PAPOLA: variants seen among roughly 807,000 people sequenced by gnomAD.
The protein encoded by PAPOLA is polynucleotide adenylyltransferase alpha.
Under a neutral mutation model 100.6 loss-of-function variants are expected in PAPOLA, and 15 were observed. That is an observed-to-expected ratio of 0.15 (90% CI 0.10 to 0.23). PAPOLA has a LOEUF of 0.23. Ranked by LOEUF, PAPOLA falls within the 10% of genes least tolerant of loss-of-function variation. PAPOLA has a pLI of 1.00. For synonymous variants in PAPOLA, 293 were observed against 300.0 expected, an observed-to-expected ratio of 0.98 and a Z score of 0.24; for missense variants, 533 against 884.2, an observed-to-expected ratio of 0.60 and a Z score of 5.04.
chr14:96,547,804 G>A lies in PAPOLA; in HGVS notation c.1407G>A (p.Arg469=), dbSNP rs1416308678. Reference sequence around the variant, plus strand: ...AATTTCCTAATTGTATAGTTTATAGGCAAGCAATAAACAGCAAGATGTTTG... The same window carrying A: ...AATTTCCTAATTGTATAGTTTATAGACAAGCAATAAACAGCAAGATGTTTG... ...DIQSFTDTVY[R]QAINSKMFEV... Residue 469 remains arginine (R), a synonymous_variant, in exon 16 of 22, where the codon AGG becomes AGA. Coordinates refer to ENST00000216277, the MANE Select transcript of PAPOLA (RefSeq NM_032632.5). The A allele has an allele frequency of 6.2e-7, 1 of 1,603,694 alleles. No homozygotes were observed. Among genetic ancestry groups the A allele is most frequent in the Non-Finnish European group, 8.5e-7 (1 of 1,174,856 alleles).
intron 21 of PAPOLA, among the ~76,000 whole-genome samples, chr14:96,564,492 A>G (rs144717332): frequency 6.4e-4 from 97 of 152,234 alleles, no homozygotes; most frequent in African/African-American, 2.3e-3. Context: ...GCTTAGCTGT[A>G]TATATTTGTT....
chr14:96,520,314 A>G, intron 2 of PAPOLA, 86 bp downstream of exon 2: 2 of 984,600 alleles, frequency 2.0e-6, no homozygotes, highest in Non-Finnish European at 3.0e-6. Flanking sequence ...CTACTTACTT[A>G]GAAGACCAGG....
At chr14:96,506,951 A>C (rs1595491632) in intron 1 of PAPOLA, among the ~76,000 whole-genome samples, 1 of 152,334 alleles carries the variant, frequency 6.6e-6, no homozygotes, top group Non-Finnish European at 1.5e-5. Flanking sequence ...GACTACTCAT[A>C]TTAATTGAAA....
intron 6 of PAPOLA, among the ~76,000 whole-genome samples, chr14:96,529,680 C>T (rs976645805): frequency 2.0e-5 from 3 of 151,918 alleles, no homozygotes; most frequent in Non-Finnish European, 2.9e-5. Flanking sequence ...CAAGATCCTG[C>T]CACTGCACTC....
Position 96,532,603 on chromosome 14 carries a change from A to G in PAPOLA, c.790A>G (p.Ile264Val), listed in dbSNP as rs150902678. ...ARTCQLYPNA[I>V]ASTLVHKFFL... ...AACTTGCCAGCTTTATCCAAATGCA[A>G]TAGCATCAACTCTTGTACATAAATT... Residue 264 changes from isoleucine to valine, a missense_variant, in exon 9 of 22, where the codon ATA becomes GTA. Ile to Val is a conservative substitution (Grantham distance 29, BLOSUM62 3). Transcript: ENST00000216277. The G allele has an allele frequency of 6.7e-5, 108 of 1,612,798 alleles. No individual in the cohort carries two copies. The highest frequency in any genetic ancestry group is 8.6e-5 in the Non-Finnish European group (101 of 1,179,482).
At chr14:96,526,747 T>C (rs1163254307) in intron 4 of PAPOLA, 1 of 152,434 alleles carries the variant, frequency 6.6e-6, no homozygotes, top group Non-Finnish European at 1.5e-5. Flanking sequence ...TACATTACTT[T>C]TGATATATCC....
chr14:96,520,088 A>G lies in PAPOLA; in HGVS notation c.42A>G (p.Gln14=), dbSNP rs74694003. Residue 14 remains glutamine (Q), a synonymous_variant, in exon 2 of 22, where the codon CAA becomes CAG. Transcript: ENST00000216277. ...CAACACAGGGATCACAACAAACACA[A>G]CCGCCACAGAAGCACTATGGCATTA... ...PVTTQGSQQT[Q]PPQKHYGITS... 48 of 1,613,532 alleles carry G rather than the reference A, an allele frequency of 3.0e-5. No homozygotes were observed. In the South Asian group the frequency reaches 5.2e-4, roughly 17 times the overall value.
chr14:96,552,341 A>C, intron 16 of PAPOLA, 139 bp from the exon 17 acceptor site: 1 of 739,310 alleles, frequency 1.4e-6, no homozygotes, highest in Non-Finnish European at 2.2e-6. Context: ...TTTTAGAGTC[A>C]GCATGGCACA....
At chr14:96,505,524 C>CA (rs1044620545) in intron 1 of PAPOLA, among the ~76,000 whole-genome samples, 4 of 152,054 alleles carry the variant, frequency 2.6e-5, no homozygotes, top group African/African-American at 9.7e-5. Context: ...AGAATGTTGT[C>CA]AAAGTTACCA....
intron 1 of PAPOLA, chr14:96,502,853 C>T: frequency 2.4e-6 from 1 of 420,560 alleles, no homozygotes; most frequent in Non-Finnish European, 4.2e-6. Context: ...CTTCCCCTTC[C>T]GGAATTGCTG....
intron 11 of PAPOLA, among the ~76,000 whole-genome samples, chr14:96,536,569 A>T (rs1899548781): frequency 6.6e-6 from 1 of 152,078 alleles, no homozygotes; most frequent in East Asian, 1.9e-4. Flanking sequence ...TGAATATTTT[A>T]CACTTTAGTT....
At chr14:96,543,434 T>G (rs1478099401) in intron 14 of PAPOLA, among the ~76,000 whole-genome samples, 1 of 152,114 alleles carries the variant, frequency 6.6e-6, no homozygotes, top group East Asian at 1.9e-4. Context: ...GACTAGACTC[T>G]ATACTTTGTT....
At chr14:96,522,704 C>G (rs1376481417) in intron 3 of PAPOLA, among the ~76,000 whole-genome samples, 1 of 152,118 alleles carries the variant, frequency 6.6e-6, no homozygotes, top group Non-Finnish European at 1.5e-5. Flanking sequence ...TGCCCCAGCC[C>G]CTTTGAGTTT....
chr14:96,561,156 A>G (rs1251909101), intron 20 of PAPOLA, among the ~76,000 whole-genome samples: 1 of 152,180 alleles, frequency 6.6e-6, no homozygotes, highest in Non-Finnish European at 1.5e-5. Flanking sequence ...TGTTATGATT[A>G]TAGAAGCAGT....
intron 19 of PAPOLA, among the ~76,000 whole-genome samples, chr14:96,559,689 TA>T (rs1901683101): frequency 6.6e-6 from 1 of 151,002 alleles, no homozygotes; most frequent in African/African-American, 2.4e-5. Context: ...ATGTCATAAG[TA>T]TAATGAACTG....
chr14:96,514,701 C>T (rs764843212), intron 1 of PAPOLA, among the ~76,000 whole-genome samples: 1 of 152,210 alleles, frequency 6.6e-6, no homozygotes, highest in Non-Finnish European at 1.5e-5. Flanking sequence ...AGACCTGTTT[C>T]TCAGCTTTGG....
At chr14:96,526,734 T>TTC in intron 4 of PAPOLA, 1 of 152,596 alleles carries the variant, frequency 6.6e-6, no homozygotes. Flanking sequence ...TCTGTCCCAT[T>TTC]AGTACATTAC....
Position 96,548,003 on chromosome 14 carries a change from G to T in PAPOLA, c.1521+85G>T, listed in dbSNP as rs1438221187. Reference sequence around the variant, plus strand: ...ATCATTATTTCAGAATTTAGGCTCAGTTAATAAGTCATTTTAAATAGATGA... The same window carrying T: ...ATCATTATTTCAGAATTTAGGCTCATTTAATAAGTCATTTTAAATAGATGA... On this transcript the variant is annotated intron_variant, in intron 16 of 21. Transcript: ENST00000216277. The T allele has an allele frequency of 8.6e-6, 10 of 1,165,830 alleles. No individual in the cohort carries two copies. The East Asian group carries it at 2.0e-4, about 24-fold the overall frequency. 72.2% of individuals were successfully genotyped at this position (1,165,830 alleles called of 1,614,324 possible). A position where few individuals can be genotyped will look rare whatever the true frequency, so the allele number is the denominator to read the frequency against.
At chr14:96,525,153 GC>G (rs1238918317) in intron 3 of PAPOLA, among the ~76,000 whole-genome samples, 156 bp from the exon 4 acceptor site, 1 of 152,112 alleles carries the variant, frequency 6.6e-6, no homozygotes, top group Non-Finnish European at 1.5e-5. Context: ...GATCTGAGGG[GC>G]TGGTATTTTT....
Sources: allele counts gnomAD v4.1 joint callset (sites outside exome capture counted in the v4.1 genomes callset), GRCh38; gene constraint gnomAD v4.1.1; transcripts MANE v1.5; gene names NCBI Gene and HGNC (gene_info 2026-07-23, HGNC 2026-07-21).